CRIM1: variants seen among roughly 807,000 people sequenced by gnomAD.
CRIM1 encodes the protein cysteine-rich motor neuron 1 protein.
Under a neutral mutation model 116.4 loss-of-function variants are expected in CRIM1, and 32 were observed. The observed-to-expected ratio is 0.27, with a 90% CI of 0.21 to 0.37. The LOEUF is 0.37. Ranked by LOEUF, CRIM1 falls within the 10% of genes least tolerant of loss-of-function variation. The pLI is 1.00. For synonymous variants in CRIM1, 590 were observed against 509.2 expected (o/e 1.16, Z -2.13); for missense variants, 1,331 against 1,354.8 (o/e 0.98, Z 0.28).
intron 2 of CRIM1, among the ~76,000 whole-genome samples, chr2:36,407,881 A>G (rs1672930033): frequency 6.6e-6 from 1 of 152,202 alleles, no homozygotes; most frequent in Non-Finnish European, 1.5e-5. Context: ...TCATCTGTAA[A>G]CAGCATAATA....
At chr2:36,472,892 TAG>T (rs1156445526) in intron 5 of CRIM1, among the ~76,000 whole-genome samples, 1 of 152,204 alleles carries the variant, frequency 6.6e-6, no homozygotes, top group African/African-American at 2.4e-5. Context: ...TAAAAGTATA[TAG>T]AAGAATTCTG....
At chr2:36,380,325 A>G (rs528425812) in intron 1 of CRIM1, among the ~76,000 whole-genome samples, 6 of 152,242 alleles carry the variant, frequency 3.9e-5, no homozygotes, top group Admixed American at 2.0e-4. Context: ...CTCTTGTGTC[A>G]GAGGGATTCA....
At chr2:36,443,418 G>C (rs1456682651) in intron 4 of CRIM1, among the ~76,000 whole-genome samples, 1 of 152,144 alleles carries the variant, frequency 6.6e-6, no homozygotes, top group African/African-American at 2.4e-5. Flanking sequence ...GGGGAAGACT[G>C]TTCTTGGAAA....
chr2:36,491,747 A>T (rs1172186201), intron 7 of CRIM1, among the ~76,000 whole-genome samples: 1 of 152,198 alleles, frequency 6.6e-6, no homozygotes, highest in African/African-American at 2.4e-5. Flanking sequence ...TCCAGTTACC[A>T]AAAGTCTGAC....
At chr2:36,528,320 C>G (rs1477972338) in intron 13 of CRIM1, among the ~76,000 whole-genome samples, 1 of 152,200 alleles carries the variant, frequency 6.6e-6, no homozygotes. Flanking sequence ...ATCCTGCCTG[C>G]TCCCATCTTA....
chr2:36,386,741 T>C (rs1483251706), intron 1 of CRIM1, among the ~76,000 whole-genome samples: 1 of 152,268 alleles, frequency 6.6e-6, no homozygotes, highest in African/African-American at 2.4e-5. Flanking sequence ...TTCATTGTGC[T>C]GCTGTAAGTG....
chr2:36,513,620 T>C lies in CRIM1; in HGVS notation c.1845T>C (p.His615=). Residue 615 remains histidine (H), a synonymous_variant, in exon 11 of 17, where the codon CAT becomes CAC. Coordinates refer to ENST00000280527, the MANE Select transcript of CRIM1 (RefSeq NM_016441.3). ...SGTCLTVDGH[H]HKNEESWHDG... Reference sequence around the variant, plus strand: ...CTTGTCTCACCGTGGATGGTCATCATCATAAAAATGAGGAGAGCTGGCACG... The same window carrying C: ...CTTGTCTCACCGTGGATGGTCATCACCATAAAAATGAGGAGAGCTGGCACG... 6.2e-7 allele frequency: 1 copy of C among 1,614,136 alleles called. No individual in the cohort carries two copies. The highest frequency in any genetic ancestry group is 8.5e-7 in the Non-Finnish European group (1 of 1,180,020).
chr2:36,501,293 C>T (rs1036870116), intron 8 of CRIM1, among the ~76,000 whole-genome samples: 2 of 152,160 alleles, frequency 1.3e-5, no homozygotes, highest in East Asian at 3.8e-4. Flanking sequence ...ACCACTTAAC[C>T]TTAATTATTT....
At chr2:36,433,266 AG>A (rs1288271658) in intron 2 of CRIM1, among the ~76,000 whole-genome samples, 2 of 152,230 alleles carry the variant, frequency 1.3e-5, no homozygotes, top group African/African-American at 2.4e-5. Context: ...CTACTGGTCT[AG>A]GGGCCACACT....
Position 36,499,739 on chromosome 2 carries a change from G to C in CRIM1, c.1501+392G>C, listed in dbSNP as rs1032982492. The stretch of plus-strand genomic sequence containing the variant: ...TAATCCTTAGACTGTGCTTCACTTT[G>C]TTGACCCCAGCTTTGCCTCCATGCA... On this transcript the variant is annotated intron_variant, in intron 8 of 16. Coordinates refer to ENST00000280527, the MANE Select transcript of CRIM1 (RefSeq NM_016441.3). 2.0e-5 allele frequency among the ~76,000 whole-genome samples: 3 copies of C among 152,154 alleles called. No individual in the cohort carries two copies. The South Asian group carries it at 6.2e-4, about 32-fold the overall frequency.
intron 13 of CRIM1, chr2:36,532,010 G>A: frequency 4.3e-6 from 2 of 470,556 alleles, no homozygotes; most frequent in South Asian, 3.1e-5. Context: ...TATTCTTGCA[G>A]AGACTTTGTT....
At chr2:36,437,219 C>T (rs997797907) in intron 2 of CRIM1, among the ~76,000 whole-genome samples, 1 of 152,084 alleles carries the variant, frequency 6.6e-6, no homozygotes, top group African/African-American at 2.4e-5. Flanking sequence ...ACTAAAAATA[C>T]AAAAAATTAG....
intron 2 of CRIM1, among the ~76,000 whole-genome samples, chr2:36,433,945 G>C (rs1675094156): frequency 2.0e-5 from 3 of 152,116 alleles, no homozygotes; most frequent in Admixed American, 2.0e-4. Context: ...GGAAAGTGCA[G>C]TGGGTGTTTC....
intron 4 of CRIM1, among the ~76,000 whole-genome samples, chr2:36,456,203 A>G (rs1677117730): frequency 6.6e-6 from 1 of 152,140 alleles, no homozygotes; most frequent in Non-Finnish European, 1.5e-5. Context: ...TTGTGGTTAT[A>G]TATAAAAGCT....
intron 1 of CRIM1, among the ~76,000 whole-genome samples, chr2:36,385,084 GAAA>G: frequency 1.4e-5 from 2 of 138,196 alleles, no homozygotes; most frequent in Admixed American, 7.2e-5. Context: ...TTGCTTCACT[GAAA>G]AAAAAAAAAA....
intron 13 of CRIM1, among the ~76,000 whole-genome samples, chr2:36,536,730 T>C (rs1666579443): frequency 6.6e-6 from 1 of 152,182 alleles, no homozygotes; most frequent in South Asian, 2.1e-4. Context: ...AGGAGCAGAA[T>C]GTTTAAACTG....
At chr2:36,450,166 A>T (rs771197389) in intron 4 of CRIM1, among the ~76,000 whole-genome samples, 1 of 152,196 alleles carries the variant, frequency 6.6e-6, no homozygotes, top group African/African-American at 2.4e-5. Context: ...TAGAATGTCG[A>T]TATCTCTGCC....
At chr2:36,456,784 C>T (rs893821238) in intron 4 of CRIM1, among the ~76,000 whole-genome samples, 1 of 152,148 alleles carries the variant, frequency 6.6e-6, no homozygotes, top group Non-Finnish European at 1.5e-5. Context: ...TCTCCACCCC[C>T]CCACCACCCA....
chr2:36,523,590 A>G (rs1409474427), intron 13 of CRIM1, among the ~76,000 whole-genome samples: 1 of 152,242 alleles, frequency 6.6e-6, no homozygotes, highest in Non-Finnish European at 1.5e-5. Flanking sequence ...TCAAAGTCAA[A>G]TGAAAGACAA....
Sources: gnomAD v4.1 joint callset for allele counts (sites outside exome capture counted in the v4.1 genomes callset) on GRCh38, gnomAD v4.1.1 for gene constraint, MANE v1.5 for transcripts, NCBI Gene and HGNC (gene_info 2026-07-23, HGNC 2026-07-21) for gene names.